Variants in ADGRV1 observed in about 807,000 individuals in gnomAD.
ADGRV1 encodes the protein G-protein coupled receptor 98.
Under a neutral mutation model 596.2 loss-of-function variants are expected in ADGRV1, and 359 were observed. That is an observed-to-expected ratio of 0.60 (90% CI 0.55 to 0.66). The LOEUF (loss-of-function observed/expected upper bound fraction) is 0.66. ADGRV1 is among the 30% of genes least tolerant of loss of function. ADGRV1 has a pLI of 0.00. For synonymous variants in ADGRV1, 2,681 were observed against 2,679.2 expected, an observed-to-expected ratio of 1.00 and a Z score of -0.02; for missense variants, 7,274 against 7,575.6, an observed-to-expected ratio of 0.96 and a Z score of 1.48.
rs1762823013 is a variant in ADGRV1 at position 90,815,651 on chromosome 5, A to T, written c.16111A>T (p.Ser5371Cys). 6.3e-7 allele frequency: 1 copy of T among 1,576,590 alleles called. No individual in the cohort carries two copies. The highest frequency in any genetic ancestry group is 8.6e-7 in the Non-Finnish European group (1 of 1,159,476). ...SDLHNGIIGF[S>C]EESQSGLELR... is the part of the protein sequence containing the mutation. ...CCTTCACAATGGCATCATAGGATTC[A>T]GTGAGGAGTCCCAGAGTGGACTAGA... The change falls in exon 75 of 90, where the codon AGT becomes TGT. Residue 5371 changes from serine (S) to cysteine (C), a missense_variant. By Grantham distance (112) the Ser-to-Cys change is moderately radical. Transcript: ENST00000405460.
At chr5:91,062,850 C>A (rs1787560545) in intron 85 of ADGRV1, among the ~76,000 whole-genome samples, 1 of 151,822 alleles carries the variant, frequency 6.6e-6, no homozygotes. Context: ...TTTTGGAGTT[C>A]CATAGCCCCT....
chr5:90,952,751 A>T (rs1777157338), intron 83 of ADGRV1, among the ~76,000 whole-genome samples: 1 of 152,152 alleles, frequency 6.6e-6, no homozygotes, highest in Non-Finnish European at 1.5e-5. Flanking sequence ...TTAGATTCGG[A>T]AGTGAACTTT....
intron 87 of ADGRV1, among the ~76,000 whole-genome samples, chr5:91,129,225 T>C (rs4244207): frequency 0.7 from 106,085 of 152,144 alleles, 41,374 homozygotes; most frequent in Non-Finnish European, 0.87. Flanking sequence ...TTGATGTATG[T>C]TGCGAGAACA....
In ADGRV1 at chr5:90,855,889, A is replaced by G. The variant is rs376670422; in HGVS notation, c.17743A>G (p.Ile5915Val). The G allele has an allele frequency of 4.3e-6, 7 of 1,611,826 alleles. No homozygotes were observed. In the African/African-American group the frequency reaches 5.3e-5, roughly 12 times the overall value. ...TGAAGCCTTCTTCACTTCTGGATTTATATGTATCTCAGGTCAGTGACAGTA... is the reference window on the plus strand; with the variant it reads ...TGAAGCCTTCTTCACTTCTGGATTTGTATGTATCTCAGGTCAGTGACAGTA... The part of the protein sequence containing the change: ...YNEAFFTSGF[I>V]CISGLCLAVL... The change falls in exon 82 of 90, where the codon ATA (isoleucine) becomes GTA (valine). Residue 5915 changes from isoleucine to valine, a missense_variant. Physicochemically the swap from Ile to Val is conservative, Grantham distance 29 (BLOSUM62 3). Coordinates refer to ENST00000405460, the MANE Select transcript of ADGRV1 (RefSeq NM_032119.4).
chr5:90,823,106 T>A (rs1763738162), intron 75 of ADGRV1, among the ~76,000 whole-genome samples: 1 of 152,232 alleles, frequency 6.6e-6, no homozygotes, highest in Non-Finnish European at 1.5e-5. Flanking sequence ...CTTTTCCTAA[T>A]TGGATGCCCT....
At chr5:90,680,515 T>C (rs1359755446) in intron 26 of ADGRV1, among the ~76,000 whole-genome samples, 1 of 152,222 alleles carries the variant, frequency 6.6e-6, no homozygotes, top group African/African-American at 2.4e-5. Flanking sequence ...CAAATATTTT[T>C]TTCATATATG....
intron 83 of ADGRV1, among the ~76,000 whole-genome samples, chr5:90,906,768 T>C (rs2150669691): frequency 6.6e-6 from 1 of 152,294 alleles, no homozygotes; most frequent in African/African-American, 2.4e-5. Context: ...CTTCTACTAA[T>C]TTTGGATTTG....
chr5:90,776,403 A>AGT (rs1456761996), intron 60 of ADGRV1, 50 bp from the exon 61 acceptor site: 1 of 1,559,480 alleles, frequency 6.4e-7, no homozygotes, highest in East Asian at 2.3e-5. Flanking sequence ...GCATATACTA[A>AGT]GTGCTTATGT....
chr5:90,823,368 T>C (rs1763772910), intron 75 of ADGRV1, 57 bp from the exon 76 acceptor site: 2 of 1,533,034 alleles, frequency 1.3e-6, no homozygotes, highest in Admixed American at 1.8e-5. Context: ...TAATAAACTC[T>C]ATTAGACATG....
intron 87 of ADGRV1, among the ~76,000 whole-genome samples, chr5:91,113,054 A>G (rs542609707): frequency 7.2e-5 from 11 of 152,254 alleles, no homozygotes; most frequent in Admixed American, 1.3e-4. Context: ...GGCTCTCCCC[A>G]TGAATGTTCG....
At chr5:91,116,014 G>A (rs372038536) in intron 87 of ADGRV1, among the ~76,000 whole-genome samples, 7 of 152,026 alleles carry the variant, frequency 4.6e-5, no homozygotes, top group East Asian at 1.9e-4. Flanking sequence ...AGGTACTTGC[G>A]CCAAATGGAT....
intron 83 of ADGRV1, chr5:90,931,031 G>A (rs1469362846): frequency 6.6e-6 from 1 of 152,192 alleles, no homozygotes; most frequent in Non-Finnish European, 1.5e-5. Context: ...AGGTGACTCG[G>A]AATAGATGAC....
At chr5:90,706,092 G>A (rs1283965447) in intron 37 of ADGRV1, 139 bp from the exon 38 acceptor site, 11 of 633,068 alleles carry the variant, frequency 1.7e-5, no homozygotes, top group Non-Finnish European at 2.9e-5. Flanking sequence ...AAAGATTATG[G>A]ATATAGGAAG....
At position 90,985,977 on chromosome 5, in the gene ADGRV1, G is replaced by A. The variant is rs79693035; in HGVS notation, c.18152+455G>A. ...CAGTGAATGGAGAGTGTCTGAAGAA[G>A]TGCATAGGAACAAGACAAGATCACC... is the stretch of plus-strand genomic sequence containing the variant. On this transcript the variant is annotated intron_variant, in intron 85 of 89. Transcript: ENST00000405460. 7.3e-3 allele frequency among the ~76,000 whole-genome samples: 1,106 copies of A among 151,934 alleles called. 30 individuals are homozygous for A. The East Asian group carries it at 0.089, about 12-fold the overall frequency.
At chr5:90,885,703 TAAG>T (rs1024784728) in intron 83 of ADGRV1, among the ~76,000 whole-genome samples, 13 of 152,104 alleles carry the variant, frequency 8.5e-5, no homozygotes, top group Non-Finnish European at 1.8e-4. Flanking sequence ...ACTGTGGAGA[TAAG>T]GAGTGCCAGG....
intron 84 of ADGRV1, among the ~76,000 whole-genome samples, chr5:90,975,705 G>C (rs1263578129): frequency 6.6e-6 from 1 of 152,090 alleles, no homozygotes; most frequent in Non-Finnish European, 1.5e-5. Flanking sequence ...GCCTGTCCTG[G>C]GGTCGAGGGA....
chr5:90,783,329 G>T lies in ADGRV1; in HGVS notation c.13433+4G>T. On this transcript the variant is annotated splice_donor_region_variant and intron_variant, in intron 66 of 89. Transcript: ENST00000405460. ...CCATCATTGATGACAATGAAAGGTT[G>T]GTATATAGAAAATAATGTGGGCACA... 6.3e-7 allele frequency: 1 copy of T among 1,589,416 alleles called. No individual in the cohort carries two copies. The highest frequency in any genetic ancestry group is 1.3e-5 in the African/African-American group (1 of 74,516).
intron 85 of ADGRV1, among the ~76,000 whole-genome samples, chr5:91,011,182 G>A (rs1782691307): frequency 6.6e-6 from 1 of 151,804 alleles, no homozygotes; most frequent in Non-Finnish European, 1.5e-5. Flanking sequence ...AAATGTTGAG[G>A]ACATAAAAAA....
intron 78 of ADGRV1, among the ~76,000 whole-genome samples, chr5:90,845,627 T>A (rs539109443): frequency 3.6e-4 from 55 of 152,206 alleles, no homozygotes; most frequent in African/African-American, 1.3e-3. Flanking sequence ...TGAAATAATA[T>A]TTTTTAAAAT....
Sources: allele counts gnomAD v4.1 joint callset (sites outside exome capture counted in the v4.1 genomes callset), GRCh38; gene constraint gnomAD v4.1.1; transcripts MANE v1.5; gene names NCBI Gene and HGNC (gene_info 2026-07-23, HGNC 2026-07-21).